NXPE1: variants seen among roughly 807,000 people sequenced by gnomAD.
NXPE1 encodes the protein neurexophilin and PC-esterase domain family member 1.
In NXPE1, 31 loss-of-function variants were observed where a neutral mutation model predicts 33.3. The ratio of observed to expected loss-of-function variants is 0.93; its 90% CI spans 0.70 to 1.26. The LOEUF (loss-of-function observed/expected upper bound fraction) is 1.26, where lower values mean the gene tolerates loss of function less well. NXPE1 is among the 50% of genes most tolerant of loss of function. The probability of loss-of-function intolerance (pLI) is 0.00; values close to 1 mark genes in which losing one functional copy is unlikely to be tolerated. For synonymous variants in NXPE1, 229 were observed against 231.4 expected, an observed-to-expected ratio of 0.99 and a Z score of 0.09; for missense variants, 661 against 655.6, an observed-to-expected ratio of 1.01 and a Z score of -0.09.
At chr11:114,533,559 C>G (rs1947669318) in intron 5 of NXPE1, among the ~76,000 whole-genome samples, 1 of 152,176 alleles carries the variant, frequency 6.6e-6, no homozygotes, top group Non-Finnish European at 1.5e-5. Context: ...TGACAGATGG[C>G]ACCTGGAAAA....
At chr11:114,536,647 T>G (rs556872999) in intron 5 of NXPE1, among the ~76,000 whole-genome samples, 1 of 152,130 alleles carries the variant, frequency 6.6e-6, no homozygotes, top group Non-Finnish European at 1.5e-5. Context: ...GAGAATACTA[T>G]AAGCACCTCT....
chr11:114,524,864 A>G (rs191751963), intron 7 of NXPE1, among the ~76,000 whole-genome samples: 279 of 152,332 alleles, frequency 1.8e-3, no homozygotes, highest in Non-Finnish European at 2.8e-3. Flanking sequence ...TTTGAACAGT[A>G]TGTGGGTAAT....
chr11:114,538,726 A>T (rs1226966851), intron 5 of NXPE1, among the ~76,000 whole-genome samples: 1 of 152,162 alleles, frequency 6.6e-6, no homozygotes. Context: ...AATCAAAACC[A>T]CAATGAGATA....
At chr11:114,519,485 CAG>C (rs1349393531), downstream of NXPE1, among the ~76,000 whole-genome samples, 1 of 152,182 alleles carries the variant, frequency 6.6e-6, no homozygotes, top group East Asian at 1.9e-4. Context: ...TTAGAGATAA[CAG>C]ATACTTTTAA....
chr11:114,545,024 C>A (rs2135073050), intron 5 of NXPE1, among the ~76,000 whole-genome samples: 1 of 152,190 alleles, frequency 6.6e-6, no homozygotes, highest in African/African-American at 2.4e-5. Flanking sequence ...TAATACATAT[C>A]AATTAGAATG....
chr11:114,530,008 C>T (rs1591263697), intron 6 of NXPE1, 167 bp downstream of exon 6: 1 of 633,116 alleles, frequency 1.6e-6, no homozygotes, highest in Non-Finnish European at 2.7e-6. Context: ...AGTGAAAATG[C>T]AAACTTTGGC....
chr11:114,519,755 A>G (rs1465482243), downstream of NXPE1, among the ~76,000 whole-genome samples: 2 of 152,160 alleles, frequency 1.3e-5, no homozygotes, highest in East Asian at 3.9e-4. Context: ...CATTTAAAGA[A>G]TTTTGTGTAT....
rs754269717 is a variant in NXPE1, at chr11:114,527,870, G to A, written c.865C>T (p.Arg289Cys). The change falls in exon 7 of 9, where the codon CGT becomes TGT. Residue 289 changes from arginine (R) to cysteine (C), a missense_variant. Arg to Cys is a radical substitution (Grantham distance 180, BLOSUM62 -3). Coordinates refer to ENST00000534921, the Ensembl canonical transcript of NXPE1. ...CAATTAGTGACATCAATGTGTTTAC[G>A]ATCCTTCATCATTTCAACTCCCACT... The A allele has an allele frequency of 6.2e-6, 10 of 1,606,378 alleles. No individual in the cohort carries two copies. Among genetic ancestry groups the A allele is most frequent in the African/African-American group, 1.4e-5 (1 of 73,742 alleles).
At chr11:114,536,544 TAAA>T (rs1185138626) in intron 5 of NXPE1, among the ~76,000 whole-genome samples, 4 of 151,468 alleles carry the variant, frequency 2.6e-5, no homozygotes, top group Non-Finnish European at 4.4e-5. Flanking sequence ...GCAAGACTAA[TAAA>T]GAAGAAAAGA....
intron 5 of NXPE1, among the ~76,000 whole-genome samples, chr11:114,539,032 C>T (rs1317072894): frequency 1.3e-5 from 2 of 152,122 alleles, no homozygotes; most frequent in Non-Finnish European, 2.9e-5. Context: ...TTGGAACCAA[C>T]CCAAATGTCC....
chr11:114,556,537 A>C (rs921881196), intron 1 of NXPE1, among the ~76,000 whole-genome samples: 4 of 151,824 alleles, frequency 2.6e-5, no homozygotes, highest in African/African-American at 9.7e-5. Context: ...GCTTGAATTC[A>C]AGTTGCTTTG....
At chr11:114,536,196 G>A (rs1255712622) in intron 5 of NXPE1, among the ~76,000 whole-genome samples, 4 of 152,202 alleles carry the variant, frequency 2.6e-5, no homozygotes, top group African/African-American at 9.7e-5. Context: ...GGTACATAAT[G>A]AAATGAAGGC....
Position 114,529,069 on chromosome 11 carries a change from C to A in NXPE1, c.833+1106G>T, listed in dbSNP as rs1240787594. The A allele has an allele frequency of 2.4e-5, 9 of 373,642 alleles. No homozygotes were observed. In the Admixed American group the frequency reaches 4.0e-4, roughly 17 times the overall value. 23.1% of individuals were successfully genotyped at this position (373,642 alleles called of 1,614,324 possible). A position where few individuals can be genotyped will look rare whatever the true frequency, so the allele number is the denominator to read the frequency against. The stretch of plus-strand genomic sequence containing the variant: ...GTTATTTTGTCATGTTTGGTGCCTA[C>A]TCTTAGCATATTTTTTTTGAAAGCT... On this transcript the variant is annotated intron_variant, in intron 6 of 8. Transcript: ENST00000534921.
intron 7 of NXPE1, among the ~76,000 whole-genome samples, chr11:114,524,109 AT>A (rs1947296320): frequency 6.6e-6 from 1 of 152,154 alleles, no homozygotes; most frequent in Non-Finnish European, 1.5e-5. Context: ...CTGTTCTCAC[AT>A]TATATCTAAA....
intron 7 of NXPE1, among the ~76,000 whole-genome samples, chr11:114,524,976 T>C (rs1249332855): frequency 6.6e-5 from 10 of 152,156 alleles, no homozygotes; most frequent in Non-Finnish European, 1.0e-4. Flanking sequence ...GTTTCTTGTA[T>C]AACAGCAGAT....
rs957263991 is a variant in NXPE1 at position 114,541,516 on chromosome 11, C to T, written c.99+9587G>A. The stretch of plus-strand genomic sequence containing the variant: ...GAGCCAAATATGAGCGACCACGACA[C>T]GTGACACAGCCGTCAGGAGGTCCTG... On this transcript the variant is annotated intron_variant, in intron 5 of 8. Transcript: ENST00000534921. Among the ~76,000 whole-genome samples the T allele has an allele frequency of 4.6e-5, 7 of 152,312 alleles. No homozygotes were observed. In the East Asian group the frequency reaches 7.7e-4, roughly 17 times the overall value.
intron 5 of NXPE1, among the ~76,000 whole-genome samples, chr11:114,536,337 T>A (rs1017211622): frequency 2.0e-5 from 3 of 152,084 alleles, no homozygotes; most frequent in Admixed American, 1.3e-4. Flanking sequence ...GCAGGAAAGA[T>A]GAAAAATTGA....
At chr11:114,529,091 AGCTTATGG>A in intron 6 of NXPE1, 1 of 340,012 alleles carries the variant, frequency 2.9e-6, no homozygotes, top group Middle Eastern at 7.9e-4. Flanking sequence ...TTTTTTTGAA[AGCTTATGG>A]AAAAAAGACT....
At position 114,533,426 on chromosome 11, in the gene NXPE1, C is replaced by T. The variant is rs557326415; in HGVS notation, c.100-2518G>A. ...ACTTGGTTCATCTCATGGGGAGTGC[C>T]GGACAGTGGGTGCAGGACAGTGGAT... On this transcript the variant is annotated intron_variant, in intron 5 of 8. Coordinates refer to ENST00000534921, the Ensembl canonical transcript of NXPE1. Among the ~76,000 whole-genome samples, 75 of 152,216 alleles carry T rather than the reference C, an allele frequency of 4.9e-4. 1 individual carries two copies. The highest frequency in any genetic ancestry group is 2.2e-4 in the African/African-American group (9 of 41,534).
Sources: allele counts gnomAD v4.1 joint callset (sites outside exome capture counted in the v4.1 genomes callset), GRCh38; gene constraint gnomAD v4.1.1; transcripts MANE v1.5; gene names NCBI Gene and HGNC (gene_info 2026-07-23, HGNC 2026-07-21).